The following DIAPH3 variants were observed in gnomAD, a reference collection of about 807,000 sequenced individuals.
The protein encoded by DIAPH3 is diaphanous related formin 3.
DIAPH3 carries 117 observed loss-of-function variants against 144.3 expected under a neutral mutation model. That is an observed-to-expected ratio of 0.81 (90% confidence interval 0.70 to 0.95). The LOEUF (loss-of-function observed/expected upper bound fraction) is 0.95, where lower values mean the gene tolerates loss of function less well. DIAPH3 is among the 40% of genes least tolerant of loss of function. DIAPH3 has a pLI of 0.00. For missense variants in DIAPH3, 1,421 were observed against 1,412.7 expected, an observed-to-expected ratio of 1.01 and a Z score of -0.09; for synonymous variants, 519 against 488.9, an observed-to-expected ratio of 1.06 and a Z score of -0.81.
intron 2 of DIAPH3, among the ~76,000 whole-genome samples, chr13:60,131,009 G>A (rs2059124367): frequency 6.6e-6 from 1 of 152,124 alleles, no homozygotes; most frequent in Non-Finnish European, 1.5e-5. Flanking sequence ...AAGATCGTGG[G>A]TTGGCAGTGT....
intron 17 of DIAPH3, among the ~76,000 whole-genome samples, chr13:59,926,031 G>A (rs2047734807): frequency 6.6e-6 from 1 of 152,058 alleles, no homozygotes; most frequent in Admixed American, 6.6e-5. Flanking sequence ...TGTCACCCAG[G>A]CTGGAGTGCA....
intron 4 of DIAPH3, among the ~76,000 whole-genome samples, chr13:60,065,378 C>T (rs1265937333): frequency 6.6e-6 from 1 of 150,812 alleles, no homozygotes; most frequent in Non-Finnish European, 1.5e-5. Flanking sequence ...ATTATAATTT[C>T]TTCTGTTCCC....
chr13:59,961,467 A>G (rs938450628), intron 17 of DIAPH3, among the ~76,000 whole-genome samples: 1 of 152,174 alleles, frequency 6.6e-6, no homozygotes, highest in Admixed American at 6.5e-5. Context: ...CAGCTCAAAT[A>G]CTTACAGAAG....
intron 22 of DIAPH3, among the ~76,000 whole-genome samples, chr13:59,851,471 C>T (rs2042965671): frequency 6.6e-6 from 1 of 152,182 alleles, no homozygotes. Flanking sequence ...ATGCCAGAGT[C>T]AGACATAAGA....
intron 27 of DIAPH3, among the ~76,000 whole-genome samples, chr13:59,731,221 G>A (rs1391778152): frequency 2.0e-5 from 3 of 152,164 alleles, no homozygotes; most frequent in Non-Finnish European, 4.4e-5. Flanking sequence ...AGGTGGACAT[G>A]TAAAGTCTAC....
rs185723013 is a variant in DIAPH3, at chr13:60,062,854, C to T, written c.496-20034G>A. Among the ~76,000 whole-genome samples, 293 of 152,250 alleles carry T rather than the reference C, an allele frequency of 1.9e-3. 2 individuals carry two copies. Among genetic ancestry groups the T allele is most frequent in the African/African-American group, 6.3e-3 (263 of 41,550 alleles). On this transcript the variant is annotated intron_variant, in intron 4 of 27. Transcript: ENST00000400324. ...ATATTTTGCTGCCTAAAAATGGTAA[C>T]GATCATCTGAGCCTTCAGCAAGTCC...
At chr13:59,848,465 GC>G (rs1360537920) in intron 22 of DIAPH3, among the ~76,000 whole-genome samples, 3 of 121,226 alleles carry the variant, frequency 2.5e-5, no homozygotes, top group African/African-American at 9.0e-5. Flanking sequence ...ATCCCTCCCC[GC>G]TCCCCCCACC....
chr13:59,709,465 A>ATT (rs2034610327), intron 27 of DIAPH3, among the ~76,000 whole-genome samples: 1 of 152,248 alleles, frequency 6.6e-6, no homozygotes, highest in South Asian at 2.1e-4. Context: ...AAAAGAAGAC[A>ATT]TTTATGCAGC....
intron 3 of DIAPH3, among the ~76,000 whole-genome samples, chr13:60,094,497 C>T (rs1457469328): frequency 2.6e-5 from 4 of 152,072 alleles, no homozygotes; most frequent in Non-Finnish European, 5.9e-5. Flanking sequence ...AAGGAAAGGG[C>T]GCCTGAGGTA....
At chr13:59,814,802 T>C (rs963427418) in intron 24 of DIAPH3, among the ~76,000 whole-genome samples, 1 of 152,194 alleles carries the variant, frequency 6.6e-6, no homozygotes, top group African/African-American at 2.4e-5. Context: ...AAGAAATTCT[T>C]TGAGTGTTAC....
chr13:59,697,652 G>T (rs954412835), intron 27 of DIAPH3, among the ~76,000 whole-genome samples: 1 of 151,972 alleles, frequency 6.6e-6, no homozygotes, highest in Non-Finnish European at 1.5e-5. Flanking sequence ...GTTATTATTA[G>T]AGATATGTGA....
At chr13:60,006,599 A>G (rs1241661264) in intron 9 of DIAPH3, among the ~76,000 whole-genome samples, 1 of 152,190 alleles carries the variant, frequency 6.6e-6, no homozygotes, top group Non-Finnish European at 1.5e-5. Flanking sequence ...TCAACCTGAC[A>G]AGGAAAGACA....
chr13:60,097,025 T>G (rs937547420), intron 3 of DIAPH3, among the ~76,000 whole-genome samples: 1 of 152,222 alleles, frequency 6.6e-6, no homozygotes, highest in Non-Finnish European at 1.5e-5. Context: ...TCTGTTTCTC[T>G]GGAGAACTCT....
intron 21 of DIAPH3, among the ~76,000 whole-genome samples, chr13:59,878,345 T>C (rs1449753654): frequency 6.6e-6 from 1 of 152,030 alleles, no homozygotes; most frequent in East Asian, 1.9e-4. Flanking sequence ...GCCAGGGAAA[T>C]TGTATAAGAA....
chr13:59,697,287 G>A (rs1315707567), intron 27 of DIAPH3, among the ~76,000 whole-genome samples: 2 of 150,924 alleles, frequency 1.3e-5, no homozygotes, highest in Non-Finnish European at 3.0e-5. Context: ...GTGAAACCCC[G>A]TCTCTACTAA....
chr13:59,885,490 G>A (rs941442093), intron 20 of DIAPH3, among the ~76,000 whole-genome samples: 12 of 140,270 alleles, frequency 8.6e-5, no homozygotes, highest in Admixed American at 2.9e-4. Context: ...TTATACACAC[G>A]TTGTATAATT....
intron 4 of DIAPH3, among the ~76,000 whole-genome samples, chr13:60,092,631 A>G (rs2057985642): frequency 6.6e-6 from 1 of 152,070 alleles, no homozygotes; most frequent in African/African-American, 2.4e-5. Context: ...AGCCTGGGCG[A>G]CAGAGTGAGA....
chr13:59,898,134 CAAAAAAAAA>C (rs34238599), intron 20 of DIAPH3, among the ~76,000 whole-genome samples: 2 of 72,196 alleles, frequency 2.8e-5, no homozygotes, highest in African/African-American at 5.9e-5. Flanking sequence ...GACTCTGCCT[CAAAAAAAAA>C]AAAAAAAAAA....
intron 4 of DIAPH3, among the ~76,000 whole-genome samples, chr13:60,069,746 G>C (rs189172116): frequency 6.6e-6 from 1 of 151,928 alleles, no homozygotes; most frequent in African/African-American, 2.4e-5. Flanking sequence ...CTTTCCCTAC[G>C]GCTCGTTATT....
Sources: gnomAD v4.1 joint callset for allele counts (sites outside exome capture counted in the v4.1 genomes callset) on GRCh38, gnomAD v4.1.1 for gene constraint, MANE v1.5 for transcripts, NCBI Gene and HGNC (gene_info 2026-07-23, HGNC 2026-07-21) for gene names.